Variants in CUX1 observed in about 807,000 individuals in gnomAD.
CUX1 encodes cut like homeobox 1, also known as protein CASP.
A neutral mutation model predicts 158.8 loss-of-function variants in CUX1; 31 were observed. The observed-to-expected ratio is 0.20, with a 90% confidence interval of 0.15 to 0.26. The LOEUF (loss-of-function observed/expected upper bound fraction) is 0.26. Among genes scored for constraint, CUX1 ranks in the 10% least tolerant of loss-of-function variants. CUX1 has a pLI of 1.00. For synonymous variants in CUX1, 879 were observed against 862.1 expected (o/e 1.02, Z -0.34); for missense variants, 1,589 against 2,014.6 (o/e 0.79, Z 4.04).
At chr7:101,956,061 A>T (rs1472723088) in intron 2 of CUX1, among the ~76,000 whole-genome samples, 1 of 141,878 alleles carries the variant, frequency 7.0e-6, no homozygotes, top group East Asian at 2.3e-4. Context: ...ACATGCCTGT[A>T]GTCCCAGCTA....
intron 4 of CUX1, among the ~76,000 whole-genome samples, chr7:102,070,986 C>T (rs1049037798): frequency 5.7e-4 from 86 of 151,808 alleles, no homozygotes; most frequent in Admixed American, 5.3e-3. Flanking sequence ...GACAGGGTCT[C>T]GCTCTGTCGC....
chr7:102,252,441 C>G lies in CUX1; in HGVS notation c.*3399C>G. 1 of 985,474 alleles carries G rather than the reference C, an allele frequency of 1.0e-6. No individual in the cohort carries two copies. The highest frequency in any genetic ancestry group is 1.2e-6 in the Non-Finnish European group (1 of 829,946). The allele number at this position is 985,474 out of a possible 1,614,324, so 61.0% of individuals were successfully genotyped here. A position where few individuals can be genotyped will look rare whatever the true frequency, so the allele number is the denominator to read the frequency against. ...TAAAAAGCTGATTTGTACCTCTCCC[C>G]TGGGGGAAACGGTTCCATATAAAAC... On this transcript the variant is annotated 3_prime_UTR_variant, in exon 24 of 24. Transcript: ENST00000292535.
intron 2 of CUX1, among the ~76,000 whole-genome samples, chr7:101,979,605 T>A (rs368466755): frequency 4.5e-4 from 69 of 152,252 alleles, no homozygotes; most frequent in African/African-American, 1.6e-3. Context: ...GTTTGTTGGT[T>A]TGGGGAAGAC....
intron 21 of CUX1, among the ~76,000 whole-genome samples, chr7:102,229,979 G>A (rs971467640): frequency 6.6e-6 from 1 of 152,126 alleles, no homozygotes; most frequent in Non-Finnish European, 1.5e-5. Context: ...AACCAGGCAG[G>A]GTTCCCTGGT....
intron 3 of CUX1, among the ~76,000 whole-genome samples, chr7:102,034,144 T>TTAAAA: frequency 3.4e-4 from 1 of 2,950 alleles, no homozygotes; most frequent in Non-Finnish European, 4.6e-4. Context: ...AGACTCCATC[T>TTAAAA]CAAAAAAAAA....
At chr7:101,846,868 C>T (rs1056130394) in intron 1 of CUX1, among the ~76,000 whole-genome samples, 5 of 152,040 alleles carry the variant, frequency 3.3e-5, no homozygotes, top group African/African-American at 1.2e-4. Context: ...TGGAGTGGCT[C>T]ATGCTGTAAT....
At chr7:102,205,237 T>C in intron 20 of CUX1, 67 bp downstream of exon 20, 6 of 1,234,648 alleles carry the variant, frequency 4.9e-6, no homozygotes, top group Non-Finnish European at 7.2e-6. Context: ...TCCCGTGCTG[T>C]GGTCTGTCCC....
At chr7:101,901,547 G>A (rs1036440257) in intron 1 of CUX1, among the ~76,000 whole-genome samples, 3 of 152,000 alleles carry the variant, frequency 2.0e-5, no homozygotes, top group Non-Finnish European at 4.4e-5. Context: ...CACCTGCCTC[G>A]GCCTCCCAAA....
chr7:102,050,242 G>T (rs746934923), intron 3 of CUX1, among the ~76,000 whole-genome samples: 5 of 152,136 alleles, frequency 3.3e-5, no homozygotes, highest in Admixed American at 6.5e-5. Context: ...CATATAACAG[G>T]AAATCTCTCT....
chr7:102,166,349 C>G (rs1037548274), intron 9 of CUX1, among the ~76,000 whole-genome samples: 9 of 152,080 alleles, frequency 5.9e-5, no homozygotes, highest in Admixed American at 1.3e-4. Flanking sequence ...GGCGAGGGGC[C>G]GTTCTCATGG....
chr7:102,007,652 G>C (rs1270117427), intron 2 of CUX1, among the ~76,000 whole-genome samples: 1 of 151,140 alleles, frequency 6.6e-6, no homozygotes, highest in Non-Finnish European at 1.5e-5. Flanking sequence ...CAGTCTGCTT[G>C]CCAAGTCCAG....
chr7:102,133,910 C>T (rs1484436289), intron 8 of CUX1, among the ~76,000 whole-genome samples: 3 of 152,218 alleles, frequency 2.0e-5, no homozygotes, highest in African/African-American at 7.2e-5. Flanking sequence ...GCTTTCACAT[C>T]TCATTCCCGT....
intron 1 of CUX1, among the ~76,000 whole-genome samples, chr7:101,833,550 G>A (rs1465114155): frequency 9.2e-6 from 1 of 108,158 alleles, no homozygotes; most frequent in Non-Finnish European, 1.7e-5. Context: ...GCAAGAGGAA[G>A]ACTCTGTCTC....
At position 101,839,677 on chromosome 7, in the gene CUX1, T is replaced by A. The variant is rs867221834; in HGVS notation, c.30+22008T>A. On this transcript the variant is annotated intron_variant, in intron 1 of 23. Transcript: ENST00000292535. ...CTGGTCATATATTTTGTCCTCTTTT[T>A]TTTTTTCTAAATGGTTTACCATCTT... Among the ~76,000 whole-genome samples, 7 of 152,226 alleles carry A rather than the reference T, an allele frequency of 4.6e-5. No individual in the cohort carries two copies. In the South Asian group the frequency reaches 1.0e-3, roughly 22 times the overall value.
At chr7:102,043,663 C>A (rs1017801795) in intron 3 of CUX1, among the ~76,000 whole-genome samples, 1 of 152,088 alleles carries the variant, frequency 6.6e-6, no homozygotes, top group Non-Finnish European at 1.5e-5. Context: ...CCATATCTTT[C>A]TATTGTAAAT....
chr7:101,992,784 G>A (rs1455570657), intron 2 of CUX1, among the ~76,000 whole-genome samples: 8 of 117,036 alleles, frequency 6.8e-5, no homozygotes, highest in South Asian at 6.1e-4. Context: ...CGCCCCCGCC[G>A]CCCCCCTCCA....
intron 3 of CUX1, among the ~76,000 whole-genome samples, chr7:102,043,117 A>AT (rs1163237950): frequency 6.6e-6 from 1 of 151,968 alleles, no homozygotes; most frequent in South Asian, 2.1e-4. Flanking sequence ...CGCCTGGCTA[A>AT]TTTTTTTATT....
chr7:102,230,344 G>A (rs576958944), intron 21 of CUX1, among the ~76,000 whole-genome samples: 2 of 151,812 alleles, frequency 1.3e-5, no homozygotes, highest in Admixed American at 6.6e-5. Context: ...TTATTATCCA[G>A]GCATGGTGGC....
intron 18 of CUX1, chr7:102,278,201 G>A (rs377165504): frequency 5.6e-6 from 3 of 533,368 alleles, no homozygotes; most frequent in East Asian, 3.3e-5. Flanking sequence ...GAGGCCTTCC[G>A]ACATCTCCCC....
Sources: gnomAD v4.1 joint callset for allele counts (sites outside exome capture counted in the v4.1 genomes callset) on GRCh38, gnomAD v4.1.1 for gene constraint, MANE v1.5 for transcripts, NCBI Gene and HGNC (gene_info 2026-07-23, HGNC 2026-07-21) for gene names.